SMAD7: variants seen among roughly 807,000 people sequenced by gnomAD.
SMAD7 encodes MAD (mothers against decapentaplegic, Drosophila) homolog 7.
In SMAD7, 8 loss-of-function variants were observed where a neutral mutation model predicts 38.7. The observed-to-expected ratio is 0.21, with a 90% CI of 0.12 to 0.37. The LOEUF (loss-of-function observed/expected upper bound fraction) is 0.37. Ranked by LOEUF, SMAD7 falls within the 10% of genes least tolerant of loss-of-function variation. The pLI, the probability that SMAD7 is intolerant of heterozygous loss-of-function variation, is 1.00. For synonymous variants in SMAD7, 327 were observed against 265.1 expected, an observed-to-expected ratio of 1.23 and a Z score of -2.27; for missense variants, 477 against 577.9, an observed-to-expected ratio of 0.83 and a Z score of 1.79.
At chr18:48,933,697 G>A (rs1024498182) in intron 3 of SMAD7, 22 of 152,386 alleles carry the variant, frequency 1.4e-4, no homozygotes, top group African/African-American at 5.3e-4. Flanking sequence ...TTCTGCGCTA[G>A]GTCACACTCA....
chr18:48,924,702 C>A (rs947697531), intron 3 of SMAD7, among the ~76,000 whole-genome samples: 36 of 152,288 alleles, frequency 2.4e-4, no homozygotes, highest in Admixed American at 8.5e-4. Flanking sequence ...CCTGCTCCTC[C>A]CTCGCTGTCC....
At position 48,928,730 on chromosome 18, in the gene SMAD7, G is replaced by A. The variant is rs79481267; in HGVS notation, c.743-6820C>T. 7.0e-3 allele frequency among the ~76,000 whole-genome samples: 1,063 copies of A among 152,162 alleles called. 12 individuals are homozygous for A. The highest frequency in any genetic ancestry group is 0.024 in the African/African-American group (994 of 41,500). On this transcript the variant is annotated intron_variant, in intron 3 of 3. Transcript: ENST00000262158. ...AATAATCAATTCCTAGAACTAAAAT[G>A]TACTCCCTGGCTCCCCAAACTGGTC...
chr18:48,930,844 G>C (rs144762503), intron 3 of SMAD7, among the ~76,000 whole-genome samples: 1 of 152,278 alleles, frequency 6.6e-6, no homozygotes, highest in African/African-American at 2.4e-5. Flanking sequence ...TGAAAGCGGC[G>C]ACTCCAGTGG....
At chr18:48,938,542 A>G (rs1292861923) in intron 3 of SMAD7, among the ~76,000 whole-genome samples, 2 of 152,154 alleles carry the variant, frequency 1.3e-5, no homozygotes, top group African/African-American at 4.8e-5. Context: ...GCAGGTCCAT[A>G]TGGCTGAGGC....
chr18:48,943,659 A>G (rs574760550), intron 2 of SMAD7, among the ~76,000 whole-genome samples: 2 of 152,262 alleles, frequency 1.3e-5, no homozygotes, highest in South Asian at 4.2e-4. Context: ...GATCGTGCAG[A>G]CACCAGGCCT....
chr18:48,931,306 GGTATATTTTAT>G (rs1041829725), intron 3 of SMAD7, among the ~76,000 whole-genome samples: 2 of 152,192 alleles, frequency 1.3e-5, no homozygotes, highest in African/African-American at 4.8e-5. Flanking sequence ...TTGTTAATAT[GGTATATTTTAT>G]GTATATTTTA....
intron 3 of SMAD7, among the ~76,000 whole-genome samples, chr18:48,925,230 C>T (rs1357648756): frequency 1.3e-5 from 2 of 152,220 alleles, no homozygotes; most frequent in Non-Finnish European, 2.9e-5. Context: ...CCACAAACTT[C>T]TCCCCCTCCC....
Position 48,949,724 on chromosome 18 carries a change from G to C in SMAD7, c.613+88C>G, listed in dbSNP as rs899722960. On this transcript the variant is annotated intron_variant, in intron 1 of 3. Transcript: ENST00000262158. ...AGGGTATGCACACTCCCCCTGGAGG[G>C]ATGGCTGCACAAACGCACTGCCCTA... 8 of 1,407,100 alleles carry C rather than the reference G, an allele frequency of 5.7e-6. No homozygotes were observed. In the African/African-American group the frequency reaches 1.0e-4, roughly 18 times the overall value. The allele number at this position is 1,407,100 out of a possible 1,614,324, so 87.2% of individuals were successfully genotyped here. A position where few individuals can be genotyped will look rare whatever the true frequency, so the allele number is the denominator to read the frequency against.
chr18:48,923,432 G>C (rs958808828), intron 3 of SMAD7, among the ~76,000 whole-genome samples: 1 of 152,166 alleles, frequency 6.6e-6, no homozygotes, highest in Admixed American at 6.5e-5. Context: ...ACTTTTACAG[G>C]CGTGTTAGGA....
At chr18:48,941,548 C>A (rs976596181) in intron 3 of SMAD7, among the ~76,000 whole-genome samples, 1 of 152,194 alleles carries the variant, frequency 6.6e-6, no homozygotes, top group Non-Finnish European at 1.5e-5. Flanking sequence ...AGCTTCTATT[C>A]GAGCTGCTAC....
intron 3 of SMAD7, among the ~76,000 whole-genome samples, chr18:48,931,821 C>A (rs952051575): frequency 1.6e-4 from 25 of 152,256 alleles, no homozygotes; most frequent in Non-Finnish European, 3.2e-4. Context: ...AGCAGGCCAG[C>A]CTCTAGTGAC....
Position 48,921,363 on chromosome 18 carries a change from C to A in SMAD7, c.*9G>T. The A allele has an allele frequency of 6.2e-7, 1 of 1,605,362 alleles. No homozygotes were observed. The highest frequency in any genetic ancestry group is 8.5e-7 in the Non-Finnish European group (1 of 1,173,502). On this transcript the variant is annotated 3_prime_UTR_variant, in exon 4 of 4. Transcript: ENST00000262158. This position sits in a 1 kb window ranked among gnomAD's most constrained non-coding sequence, Gnocchi z 6.4. ...TGCTCAGCTCACGCTCTGTCCCCTCCGCACGCGGCTACCGGCTGTTGAAGA... is the reference window on the plus strand; with the variant it reads ...TGCTCAGCTCACGCTCTGTCCCCTCAGCACGCGGCTACCGGCTGTTGAAGA...
intron 3 of SMAD7, among the ~76,000 whole-genome samples, chr18:48,924,748 G>A (rs1043305667): frequency 1.3e-5 from 2 of 152,210 alleles, no homozygotes; most frequent in African/African-American, 2.4e-5. Context: ...CTGTCCTCCC[G>A]TTAGGACAGC....
intron 3 of SMAD7, among the ~76,000 whole-genome samples, chr18:48,936,017 G>A (rs2070060372): frequency 6.6e-6 from 1 of 151,980 alleles, no homozygotes; most frequent in Middle Eastern, 3.4e-3. Context: ...GGAGGTTGTA[G>A]TGAGCCGAGA....
chr18:48,943,398 C>T (rs2070163628), intron 2 of SMAD7, among the ~76,000 whole-genome samples: 1 of 152,210 alleles, frequency 6.6e-6, no homozygotes, highest in Admixed American at 6.5e-5. Flanking sequence ...AGGTACTCTG[C>T]ACAGTGACCT....
Position 48,921,241 on chromosome 18 carries a change from C to A in SMAD7, c.*131G>T. On this transcript the variant is annotated 3_prime_UTR_variant, in exon 4 of 4. Coordinates refer to ENST00000262158, the MANE Select transcript of SMAD7 (RefSeq NM_005904.4). This position sits in a 1 kb window ranked among gnomAD's most constrained non-coding sequence, Gnocchi z 6.4. ...ACAAACGAGGACGAGAAGAAGAAAA[C>A]CAACCAACAAACAAAAAAAAAACGA... is the stretch of plus-strand genomic sequence containing the variant. 1 of 781,846 alleles carries A rather than the reference C, an allele frequency of 1.3e-6. No homozygotes were observed. The highest frequency in any genetic ancestry group is 2.0e-6 in the Non-Finnish European group (1 of 495,768). The allele number at this position is 781,846 out of a possible 1,614,324, so 48.4% of individuals were successfully genotyped here.
In SMAD7 at chr18:48,948,455, A is replaced by G. The variant is rs767535500; in HGVS notation, c.614-18T>C. Reference sequence around the variant, plus strand: ...GGGAGACTCTGAAATTAAAAAAGCAAGAGAAAATAAAGGCCCAGCCATGAG... The same window carrying G: ...GGGAGACTCTGAAATTAAAAAAGCAGGAGAAAATAAAGGCCCAGCCATGAG... On this transcript the variant is annotated intron_variant, in intron 1 of 3. Transcript: ENST00000262158. 13 of 1,572,148 alleles carry G rather than the reference A, an allele frequency of 8.3e-6. No individual in the cohort carries two copies. In the African/African-American group the frequency reaches 1.7e-4, roughly 20 times the overall value.
intron 2 of SMAD7, among the ~76,000 whole-genome samples, chr18:48,946,548 AT>A (rs1303196507): frequency 1.3e-5 from 2 of 151,790 alleles, no homozygotes; most frequent in Non-Finnish European, 1.5e-5. Flanking sequence ...GCCTTTTCTC[AT>A]TTCTTTTTTT....
rs185599635 is a variant in SMAD7, at chr18:48,939,347, C to A, written c.742+3134G>T. ...GGGTGGGGTGTGTTTCACTGCAAGT[C>A]CCTAACGACCAGGCCTGTCGTCTAC... On this transcript the variant is annotated intron_variant, in intron 3 of 3. Coordinates refer to ENST00000262158, the MANE Select transcript of SMAD7 (RefSeq NM_005904.4). Among the ~76,000 whole-genome samples the A allele has an allele frequency of 2.8e-3, 428 of 152,076 alleles. 2 individuals carry two copies. Among genetic ancestry groups the A allele is most frequent in the Middle Eastern group, 0.01 (3 of 294 alleles).
Sources: gnomAD v4.1 joint callset for allele counts (sites outside exome capture counted in the v4.1 genomes callset) on GRCh38, gnomAD v4.1.1 for gene constraint, Gnocchi (gnomAD v3.1) non-coding constraint, MANE v1.5 for transcripts, NCBI Gene and HGNC (gene_info 2026-07-23, HGNC 2026-07-21) for gene names.